Variants in GALNTL6 observed in about 807,000 individuals in gnomAD.
GALNTL6 encodes polypeptide N-acetylgalactosaminyltransferase-like 6.
In GALNTL6, 46 loss-of-function variants were observed where a neutral mutation model predicts 73.7. The observed-to-expected ratio is 0.62, with a 90% CI of 0.49 to 0.80. The LOEUF (loss-of-function observed/expected upper bound fraction) is 0.80, where lower values mean the gene tolerates loss of function less well. Ranked by LOEUF, GALNTL6 falls within the 30% of genes least tolerant of loss-of-function variation. The pLI is 0.00. For synonymous variants in GALNTL6, 259 were observed against 263.7 expected (o/e 0.98, Z 0.17); for missense variants, 604 against 755.0 (o/e 0.80, Z 2.34).
intron 2 of GALNTL6, among the ~76,000 whole-genome samples, chr4:172,048,638 TA>T (rs1742283646): frequency 6.6e-6 from 1 of 152,232 alleles, no homozygotes; most frequent in African/African-American, 2.4e-5. Flanking sequence ...TTTCATGAAC[TA>T]AAATTCACCT....
chr4:171,876,540 T>C (rs928547019), intron 2 of GALNTL6, among the ~76,000 whole-genome samples: 41 of 152,310 alleles, frequency 2.7e-4, no homozygotes, highest in African/African-American at 9.4e-4. Context: ...GTTAGTGAAA[T>C]TGCAGAAACA....
chr4:172,791,251 G>T (rs1285763555), intron 5 of GALNTL6, among the ~76,000 whole-genome samples: 1 of 152,228 alleles, frequency 6.6e-6, no homozygotes, highest in Admixed American at 6.5e-5. Flanking sequence ...ATGTGGGTTT[G>T]AGAATAGGTG....
chr4:172,618,820 T>C (rs1360504690), intron 5 of GALNTL6, among the ~76,000 whole-genome samples: 1 of 151,974 alleles, frequency 6.6e-6, no homozygotes, highest in Non-Finnish European at 1.5e-5. Context: ...GCCTCCCGGG[T>C]TCAAGCAATT....
At chr4:172,886,125 T>G (rs1297499599) in intron 8 of GALNTL6, among the ~76,000 whole-genome samples, 1 of 152,208 alleles carries the variant, frequency 6.6e-6, no homozygotes, top group African/African-American at 2.4e-5. Flanking sequence ...TTGGTATTAG[T>G]TCTTCCTTAA....
chr4:171,889,892 C>G (rs1036671347), intron 2 of GALNTL6, among the ~76,000 whole-genome samples: 1 of 152,042 alleles, frequency 6.6e-6, no homozygotes, highest in African/African-American at 2.4e-5. Flanking sequence ...GTATGTTTTG[C>G]AAATATTCTA....
intron 5 of GALNTL6, among the ~76,000 whole-genome samples, chr4:172,595,053 A>G (rs1422803082): frequency 6.6e-6 from 1 of 152,210 alleles, no homozygotes; most frequent in East Asian, 1.9e-4. Flanking sequence ...GAAGAGGAGT[A>G]GAGAACTTTT....
In GALNTL6 at chr4:173,041,179, G is replaced by A. The variant is rs557459792; in HGVS notation, c.*1079G>A. The stretch of plus-strand genomic sequence containing the variant: ...TTATTTGTTCGTTTGTTTGGGTTTT[G>A]CTTTTGTTTTTTATTTTTTTCTTGT... On this transcript the variant is annotated 3_prime_UTR_variant, in exon 13 of 13. Coordinates refer to ENST00000506823, the MANE Select transcript of GALNTL6 (RefSeq NM_001034845.3). The A allele has an allele frequency of 1.3e-5, 2 of 150,516 alleles. No homozygotes were observed. The highest frequency in any genetic ancestry group is 4.2e-4 in the South Asian group (2 of 4,778). 9.3% of individuals were successfully genotyped at this position (150,516 alleles called of 1,614,324 possible). A position where few individuals can be genotyped will look rare whatever the true frequency, so the allele number is the denominator to read the frequency against.
chr4:172,429,453 G>A (rs1267030312), intron 5 of GALNTL6, among the ~76,000 whole-genome samples: 2 of 151,948 alleles, frequency 1.3e-5, no homozygotes, highest in African/African-American at 4.8e-5. Flanking sequence ...CTCATGATCT[G>A]CCCACCTCGG....
chr4:172,342,429 A>G (rs936052680), intron 4 of GALNTL6, among the ~76,000 whole-genome samples: 1 of 152,198 alleles, frequency 6.6e-6, no homozygotes, highest in African/African-American at 2.4e-5. Context: ...TAAACTTCTT[A>G]GTTCAGGAAC....
At chr4:172,747,502 A>C (rs79775517) in intron 5 of GALNTL6, among the ~76,000 whole-genome samples, 2 of 152,184 alleles carry the variant, frequency 1.3e-5, no homozygotes, top group Non-Finnish European at 2.9e-5. Flanking sequence ...GCTATTATCA[A>C]AAAGATGAAA....
At chr4:172,477,883 G>A (rs1308373687) in intron 5 of GALNTL6, among the ~76,000 whole-genome samples, 2 of 151,874 alleles carry the variant, frequency 1.3e-5, no homozygotes, top group Non-Finnish European at 2.9e-5. Flanking sequence ...AGAATATGCA[G>A]TAGAAAAAAA....
At chr4:171,979,436 C>A (rs1314746872) in intron 2 of GALNTL6, among the ~76,000 whole-genome samples, 1 of 151,976 alleles carries the variant, frequency 6.6e-6, no homozygotes, top group Non-Finnish European at 1.5e-5. Context: ...AGCAGACAAC[C>A]CCAAGGGCTA....
intron 2 of GALNTL6, among the ~76,000 whole-genome samples, chr4:172,174,453 C>T (rs1376332160): frequency 6.6e-6 from 1 of 152,062 alleles, no homozygotes; most frequent in Non-Finnish European, 1.5e-5. Context: ...ATTCTGGCTT[C>T]ACTGGGCACA....
At chr4:171,864,308 G>A (rs1424896258) in intron 2 of GALNTL6, among the ~76,000 whole-genome samples, 2 of 152,086 alleles carry the variant, frequency 1.3e-5, no homozygotes, top group African/African-American at 4.8e-5. Flanking sequence ...AAAAGGTCAC[G>A]ATTATCTTTA....
intron 2 of GALNTL6, among the ~76,000 whole-genome samples, chr4:172,128,198 TA>T (rs1733359212): frequency 6.6e-6 from 1 of 152,170 alleles, no homozygotes; most frequent in Non-Finnish European, 1.5e-5. Flanking sequence ...TGACAAATTT[TA>T]AAACAGCTTA....
intron 2 of GALNTL6, among the ~76,000 whole-genome samples, chr4:172,214,754 C>T (rs1042564818): frequency 6.6e-6 from 1 of 151,946 alleles, no homozygotes; most frequent in Non-Finnish European, 1.5e-5. Flanking sequence ...ACCTCATGAT[C>T]GGCCTGCCTT....
At chr4:172,762,258 AG>A (rs1738154099) in intron 5 of GALNTL6, among the ~76,000 whole-genome samples, 1 of 152,192 alleles carries the variant, frequency 6.6e-6, no homozygotes, top group South Asian at 2.1e-4. Flanking sequence ...AAGAGGGAAA[AG>A]TCAAATACAG....
At chr4:172,829,849 A>G (rs1742524365) in intron 7 of GALNTL6, among the ~76,000 whole-genome samples, 1 of 152,236 alleles carries the variant, frequency 6.6e-6, no homozygotes, top group Admixed American at 6.5e-5. Flanking sequence ...AATTCCCTAG[A>G]AGATATGGAT....
intron 10 of GALNTL6, among the ~76,000 whole-genome samples, chr4:172,998,601 C>A (rs1056147511): frequency 6.6e-6 from 1 of 152,122 alleles, no homozygotes; most frequent in Non-Finnish European, 1.5e-5. Flanking sequence ...ATTCATGAAA[C>A]CACAGAAACT....
Sources: gnomAD v4.1 joint callset for allele counts (sites outside exome capture counted in the v4.1 genomes callset) on GRCh38, gnomAD v4.1.1 for gene constraint, MANE v1.5 for transcripts, NCBI Gene and HGNC (gene_info 2026-07-23, HGNC 2026-07-21) for gene names.